The following KCNQ3 variants were observed in gnomAD, a reference collection of about 807,000 sequenced individuals.
KCNQ3 encodes potassium voltage-gated channel subfamily Q member 3, also known as potassium voltage-gated channel subfamily KQT member 3.
In KCNQ3, 30 loss-of-function variants were observed where a neutral mutation model predicts 92.5. That is an observed-to-expected ratio of 0.32 (90% CI 0.24 to 0.44). The LOEUF (loss-of-function observed/expected upper bound fraction) is 0.44, where lower values mean the gene tolerates loss of function less well. Among genes scored for constraint, KCNQ3 ranks in the 20% least tolerant of loss-of-function variants. The probability of loss-of-function intolerance (pLI) is 1.00; values close to 1 mark genes in which losing one functional copy is unlikely to be tolerated. For synonymous variants in KCNQ3, 450 were observed against 468.8 expected, an observed-to-expected ratio of 0.96 and a Z score of 0.52; for missense variants, 913 against 1,140.3, an observed-to-expected ratio of 0.80 and a Z score of 2.87.
intron 1 of KCNQ3, among the ~76,000 whole-genome samples, chr8:132,290,030 G>A (rs570928852): frequency 2.0e-5 from 3 of 152,216 alleles, no homozygotes; most frequent in Non-Finnish European, 4.4e-5. Flanking sequence ...AATGGTTTTG[G>A]GTACAGCAGA....
chr8:132,429,988 A>G (rs1821208584), intron 1 of KCNQ3, among the ~76,000 whole-genome samples: 1 of 152,162 alleles, frequency 6.6e-6, no homozygotes, highest in Non-Finnish European at 1.5e-5. Flanking sequence ...CATTCATTCA[A>G]AAAGTGTTTT....
intron 1 of KCNQ3, among the ~76,000 whole-genome samples, chr8:132,274,699 A>G (rs1816269116): frequency 6.6e-6 from 1 of 152,230 alleles, no homozygotes; most frequent in South Asian, 2.1e-4. Context: ...TTCAAGGAAC[A>G]TGACCTTCAG....
At chr8:132,224,630 C>T (rs1056811685) in intron 1 of KCNQ3, among the ~76,000 whole-genome samples, 1 of 152,102 alleles carries the variant, frequency 6.6e-6, no homozygotes, top group East Asian at 1.9e-4. Context: ...TCCTGAAAAG[C>T]GTTAAAATTA....
rs750900829 is a variant in KCNQ3, at chr8:132,132,195, T to C, written c.1869A>G (p.Val623=). ...IEDQSMMGKF[V]KVERQVQDMG... ...AAAGACTTACCTGTCTTTCAACTTT[T>C]ACAAACTTCCCCATCATGCTTTGGT... is the stretch of plus-strand genomic sequence containing the variant. The change falls in exon 14 of 15, where the codon GTA becomes GTG. Residue 623 remains valine (V), a synonymous_variant. Coordinates refer to ENST00000388996, the MANE Select transcript of KCNQ3 (RefSeq NM_004519.4). The C allele has an allele frequency of 1.2e-6, 2 of 1,611,980 alleles. No individual in the cohort carries two copies. Among genetic ancestry groups the C allele is most frequent in the Non-Finnish European group, 1.7e-6 (2 of 1,178,000 alleles).
intron 1 of KCNQ3, among the ~76,000 whole-genome samples, chr8:132,432,298 G>A (rs1331370162): frequency 6.6e-6 from 1 of 151,466 alleles, no homozygotes; most frequent in African/African-American, 2.4e-5. Flanking sequence ...CAACTCTCCA[G>A]TGGTAGAGAT....
At chr8:132,373,574 G>A (rs1359130563) in intron 1 of KCNQ3, among the ~76,000 whole-genome samples, 2 of 152,152 alleles carry the variant, frequency 1.3e-5, no homozygotes, top group Non-Finnish European at 1.5e-5. Context: ...GAGGCACAGA[G>A]GGATTAAGTC....
At chr8:132,471,623 C>A (rs972286430) in intron 1 of KCNQ3, among the ~76,000 whole-genome samples, 1 of 152,082 alleles carries the variant, frequency 6.6e-6, no homozygotes, top group Non-Finnish European at 1.5e-5. Flanking sequence ...AAAATCAACT[C>A]AAGATGGATT....
intron 1 of KCNQ3, among the ~76,000 whole-genome samples, chr8:132,452,246 C>T (rs1183484108): frequency 1.3e-5 from 2 of 152,160 alleles, no homozygotes; most frequent in South Asian, 2.1e-4. Context: ...ATAGCTCCAC[C>T]TTCTCTGCTT....
At chr8:132,214,401 G>A (rs546965676) in intron 1 of KCNQ3, among the ~76,000 whole-genome samples, 18 of 151,142 alleles carry the variant, frequency 1.2e-4, no homozygotes, top group Admixed American at 2.0e-4. Context: ...CTTTCCTTCC[G>A]TTAGGAGCAG....
intron 1 of KCNQ3, among the ~76,000 whole-genome samples, chr8:132,357,030 A>G (rs1216886431): frequency 6.6e-6 from 1 of 151,786 alleles, no homozygotes; most frequent in Admixed American, 6.6e-5. Context: ...AACAACAACA[A>G]CAACAAAAAC....
At chr8:132,306,861 A>G (rs1297814980) in intron 1 of KCNQ3, among the ~76,000 whole-genome samples, 1 of 152,158 alleles carries the variant, frequency 6.6e-6, no homozygotes, top group Non-Finnish European at 1.5e-5. Context: ...GCATTTTTTT[A>G]TATCTTAAGT....
chr8:132,427,513 AAT>A (rs1821141812), intron 1 of KCNQ3, among the ~76,000 whole-genome samples: 1 of 152,188 alleles, frequency 6.6e-6, no homozygotes, highest in African/African-American at 2.4e-5. Context: ...AAACACTTAA[AAT>A]CCTACCAGGT....
At chr8:132,396,081 T>A (rs561944199) in intron 1 of KCNQ3, among the ~76,000 whole-genome samples, 2 of 152,266 alleles carry the variant, frequency 1.3e-5, no homozygotes, top group African/African-American at 4.8e-5. Context: ...AGCACTGCAG[T>A]GAGGATTAGA....
At chr8:132,366,326 T>C (rs937356789) in intron 1 of KCNQ3, among the ~76,000 whole-genome samples, 4 of 152,124 alleles carry the variant, frequency 2.6e-5, no homozygotes, top group Non-Finnish European at 4.4e-5. Context: ...CCTTATTGAG[T>C]CTCTCTTAGT....
intron 14 of KCNQ3, among the ~76,000 whole-genome samples, chr8:132,131,316 T>C (rs1008915850): frequency 6.6e-6 from 1 of 152,202 alleles, no homozygotes; most frequent in African/African-American, 2.4e-5. Context: ...ATTTATCTAA[T>C]GTAGAGTTAG....
intron 1 of KCNQ3, among the ~76,000 whole-genome samples, chr8:132,358,309 A>T (rs1819069746): frequency 6.6e-6 from 1 of 152,160 alleles, no homozygotes; most frequent in South Asian, 2.1e-4. Flanking sequence ...GCCTCTAAAG[A>T]ACATATTCTG....
chr8:132,301,761 G>C (rs1021895110), intron 1 of KCNQ3, among the ~76,000 whole-genome samples: 10 of 152,136 alleles, frequency 6.6e-5, no homozygotes, highest in African/African-American at 2.4e-4. Context: ...CTGGTGGGAT[G>C]GGGATGCGAG....
intron 9 of KCNQ3, among the ~76,000 whole-genome samples, chr8:132,143,859 G>T (rs2469614): frequency 6.6e-6 from 1 of 152,198 alleles, no homozygotes; most frequent in Admixed American, 6.5e-5. Context: ...AATGAGTTTG[G>T]GAGATTCATA....
At chr8:132,217,762 C>T (rs1057147790) in intron 1 of KCNQ3, among the ~76,000 whole-genome samples, 2 of 148,048 alleles carry the variant, frequency 1.4e-5, no homozygotes, top group East Asian at 4.0e-4. Context: ...TATTGAGTAT[C>T]TTTCAATAAG....
Sources: allele counts gnomAD v4.1 joint callset (sites outside exome capture counted in the v4.1 genomes callset), GRCh38; gene constraint gnomAD v4.1.1; transcripts MANE v1.5; gene names NCBI Gene and HGNC (gene_info 2026-07-23, HGNC 2026-07-21).